The following EPHA6 variants were observed in gnomAD, a reference collection of about 807,000 sequenced individuals.
EPHA6 encodes EPH receptor A6, also known as ephrin type-A receptor 6.
EPHA6 carries 50 observed loss-of-function variants against 112.0 expected under a neutral mutation model. That is an observed-to-expected ratio of 0.45 (90% CI 0.36 to 0.56). The LOEUF is 0.56. Among genes scored for constraint, EPHA6 ranks in the 20% least tolerant of loss-of-function variants. EPHA6 has a pLI of 0.00. For synonymous variants in EPHA6, 529 were observed against 490.7 expected (o/e 1.08, Z -1.03); for missense variants, 1,280 against 1,417.4 (o/e 0.90, Z 1.56).
At chr3:96,969,850 A>G (rs1576201330) in intron 2 of EPHA6, among the ~76,000 whole-genome samples, 1 of 152,040 alleles carries the variant, frequency 6.6e-6, no homozygotes, top group East Asian at 1.9e-4. Flanking sequence ...CTTCATTAAT[A>G]ATTTCCTATT....
chr3:96,841,330 G>T (rs7621080), intron 1 of EPHA6, among the ~76,000 whole-genome samples: 2,009 of 152,198 alleles, frequency 0.013, 49 homozygotes, highest in African/African-American at 0.044. Flanking sequence ...GGGCGGGTTT[G>T]CCCTAAGCAG....
intron 14 of EPHA6, among the ~76,000 whole-genome samples, chr3:97,667,394 C>G (rs2030255618): frequency 6.6e-6 from 1 of 152,118 alleles, no homozygotes; most frequent in African/African-American, 2.4e-5. Flanking sequence ...TTTACAGTGT[C>G]TATGGTTTTA....
At chr3:97,517,699 T>C (rs79125863) in intron 10 of EPHA6, among the ~76,000 whole-genome samples, 7,598 of 152,224 alleles carry the variant, frequency 0.05, 585 homozygotes, top group African/African-American at 0.16. Context: ...TTATTTCTAC[T>C]GTCTAACTGA....
intron 12 of EPHA6, among the ~76,000 whole-genome samples, chr3:97,610,209 A>C (rs886941133): frequency 2.0e-5 from 3 of 151,654 alleles, no homozygotes; most frequent in Non-Finnish European, 4.4e-5. Context: ...ATCAGGAACT[A>C]TTACAAATCC....
At chr3:97,656,448 C>T (rs1026211452) in intron 14 of EPHA6, among the ~76,000 whole-genome samples, 2 of 151,604 alleles carry the variant, frequency 1.3e-5, no homozygotes, top group East Asian at 1.9e-4. Context: ...TCAACTTTTC[C>T]GAACCTATAA....
intron 2 of EPHA6, among the ~76,000 whole-genome samples, chr3:96,983,892 T>G (rs896037495): frequency 3.9e-5 from 6 of 152,228 alleles, no homozygotes; most frequent in Admixed American, 3.3e-4. Flanking sequence ...ATGCCATGGT[T>G]TTCCACTCCA....
chr3:97,491,297 G>A (rs1343554078), intron 10 of EPHA6, among the ~76,000 whole-genome samples: 1 of 152,136 alleles, frequency 6.6e-6, no homozygotes, highest in Non-Finnish European at 1.5e-5. Context: ...GTCCTAATTA[G>A]CCAGCATTAC....
chr3:97,017,980 A>G (rs1484784900), intron 3 of EPHA6, among the ~76,000 whole-genome samples: 1 of 148,244 alleles, frequency 6.7e-6, no homozygotes, highest in African/African-American at 2.5e-5. Flanking sequence ...ACTGTTTCTT[A>G]TTCTTTTTTT....
chr3:96,884,788 C>T (rs1487812129), intron 2 of EPHA6, among the ~76,000 whole-genome samples: 2 of 152,114 alleles, frequency 1.3e-5, no homozygotes, highest in Non-Finnish European at 2.9e-5. Context: ...GAGTGGGCAT[C>T]CTTATCTTGT....
intron 3 of EPHA6, among the ~76,000 whole-genome samples, chr3:97,094,648 GA>G (rs1446374368): frequency 1.3e-5 from 2 of 152,076 alleles, no homozygotes; most frequent in Non-Finnish European, 2.9e-5. Flanking sequence ...AAACAAGAAA[GA>G]GGGGAAAATG....
At chr3:97,407,270 G>T (rs2087412049) in intron 6 of EPHA6, among the ~76,000 whole-genome samples, 1 of 151,456 alleles carries the variant, frequency 6.6e-6, no homozygotes, top group African/African-American at 2.4e-5. Flanking sequence ...TGTATGTACT[G>T]TTATATAGAT....
At chr3:97,552,451 T>C (rs1483606246) in intron 11 of EPHA6, among the ~76,000 whole-genome samples, 2 of 152,194 alleles carry the variant, frequency 1.3e-5, no homozygotes, top group African/African-American at 2.4e-5. Context: ...AACCTCTTGC[T>C]AAATCAAGTT....
intron 3 of EPHA6, among the ~76,000 whole-genome samples, chr3:97,164,122 A>T (rs923938702): frequency 3.9e-5 from 6 of 152,278 alleles, no homozygotes; most frequent in African/African-American, 1.4e-4. Flanking sequence ...ATTTGTTCAT[A>T]TATATTTGAC....
intron 5 of EPHA6, among the ~76,000 whole-genome samples, chr3:97,307,248 C>T (rs1244835846): frequency 6.6e-6 from 1 of 151,726 alleles, no homozygotes; most frequent in African/African-American, 2.4e-5. Flanking sequence ...TCAATTTAAA[C>T]TTCAGGGACT....
At chr3:97,193,045 T>C (rs967956553) in intron 3 of EPHA6, among the ~76,000 whole-genome samples, 11 of 152,156 alleles carry the variant, frequency 7.2e-5, no homozygotes, top group South Asian at 6.2e-4. Flanking sequence ...ACAATAGTTC[T>C]GTAGTATAAC....
At chr3:97,107,839 G>T (rs777595808) in intron 3 of EPHA6, among the ~76,000 whole-genome samples, 1 of 151,930 alleles carries the variant, frequency 6.6e-6, no homozygotes, top group Non-Finnish European at 1.5e-5. Context: ...TTGTTTTTCT[G>T]CATTTTATTT....
At chr3:97,700,556 A>G (rs2033322418) in intron 14 of EPHA6, among the ~76,000 whole-genome samples, 1 of 152,194 alleles carries the variant, frequency 6.6e-6, no homozygotes, top group African/African-American at 2.4e-5. Flanking sequence ...TTATTCCGTA[A>G]TATTTGTGTA....
intron 2 of EPHA6, among the ~76,000 whole-genome samples, chr3:96,979,463 G>T (rs2042667637): frequency 6.6e-6 from 1 of 152,076 alleles, no homozygotes; most frequent in Admixed American, 6.6e-5. Context: ...ATGGACATTT[G>T]GGTTGGTTCT....
intron 14 of EPHA6, among the ~76,000 whole-genome samples, chr3:97,697,401 T>A (rs1225895127): frequency 4.6e-5 from 7 of 152,154 alleles, no homozygotes; most frequent in Admixed American, 4.6e-4. Context: ...TATTTTAACA[T>A]CCTTTAATAA....
Sources: gnomAD v4.1 joint callset for allele counts (sites outside exome capture counted in the v4.1 genomes callset) on GRCh38, gnomAD v4.1.1 for gene constraint, MANE v1.5 for transcripts, NCBI Gene and HGNC (gene_info 2026-07-23, HGNC 2026-07-21) for gene names.